The following RGS3 variants were observed in gnomAD, a reference collection of about 807,000 sequenced individuals.
RGS3 encodes regulator of G protein signaling 3.
RGS3 carries 80 observed loss-of-function variants against 132.6 expected under a neutral mutation model. The observed-to-expected ratio is 0.60, with a 90% CI of 0.50 to 0.73. The LOEUF (loss-of-function observed/expected upper bound fraction) is 0.73, where lower values mean the gene tolerates loss of function less well. Ranked by LOEUF, RGS3 falls within the 30% of genes least tolerant of loss-of-function variation. RGS3 has a pLI of 0.00. For missense variants in RGS3, 1,382 were observed against 1,530.8 expected, an observed-to-expected ratio of 0.90 and a Z score of 1.62; for synonymous variants, 598 against 620.6, an observed-to-expected ratio of 0.96 and a Z score of 0.54.
intron 4 of RGS3, among the ~76,000 whole-genome samples, chr9:113,482,421 GGTGA>G (rs889143230): frequency 6.6e-6 from 1 of 152,176 alleles, no homozygotes; most frequent in African/African-American, 2.4e-5. Context: ...TAGCTTATAT[GGTGA>G]GTAAGCGGTG....
Position 113,463,982 on chromosome 9 carries a change from CTCTT to C in RGS3, c.415+1785_415+1788del. ...TGACAGGGGAGGCTGGGAGCAGGTG[CTCTT>C]TCTATCTAGGGGCACCTTCTCTGGC... On this transcript the variant is annotated intron_variant, in intron 3 of 24. Transcript: ENST00000350696. This position sits in a 1 kb window ranked among gnomAD's most constrained non-coding sequence, Gnocchi z 4.6. 3 of 1,256,894 alleles carry C rather than the reference CTCTT, an allele frequency of 2.4e-6. No individual in the cohort carries two copies. Among genetic ancestry groups the C allele is most frequent in the South Asian group, 1.4e-5 (1 of 73,238 alleles). 77.9% of individuals were successfully genotyped at this position (1,256,894 alleles called of 1,614,324 possible).
chr9:113,580,551 C>T (rs1937376806), intron 19 of RGS3: 1 of 152,678 alleles, frequency 6.5e-6, no homozygotes, highest in African/African-American at 2.4e-5. Flanking sequence ...GAGGCTTGGC[C>T]AGAGTTGCAC....
intron 14 of RGS3, among the ~76,000 whole-genome samples, chr9:113,511,366 A>G (rs1831391634): frequency 6.6e-6 from 1 of 152,104 alleles, no homozygotes. Flanking sequence ...TTGCCTTCAC[A>G]GAGCTCAGTA....
Position 113,565,254 on chromosome 9 carries a change from C to T in RGS3, c.2038-18196C>T, listed in dbSNP as rs556817579. ...CAGGACCCTCTTCTTTGAGACATCC[C>T]GGACTCCATCTCGGATGAAAGTGCT... On this transcript the variant is annotated intron_variant, in intron 19 of 24. Coordinates refer to ENST00000350696, the Ensembl canonical transcript of RGS3. This position sits in a 1 kb window ranked among gnomAD's most constrained non-coding sequence, Gnocchi z 5.7. 3.5e-5 allele frequency: 45 copies of T among 1,288,318 alleles called. No homozygotes were observed. The highest frequency in any genetic ancestry group is 4.6e-5 in the Admixed American group (2 of 43,466). 79.8% of individuals were successfully genotyped at this position (1,288,318 alleles called of 1,614,324 possible).
intron 2 of RGS3, chr9:113,461,907 T>C: frequency 1.2e-6 from 2 of 1,600,550 alleles, no homozygotes; most frequent in Non-Finnish European, 1.7e-6. Flanking sequence ...CCTGTGGGCC[T>C]TCCTTTGCTG....
At position 113,507,213 on chromosome 9, in the gene RGS3, C is replaced by T. The variant is rs1404862711; in HGVS notation, c.1086-74C>T. 9.7e-6 allele frequency: 12 copies of T among 1,237,348 alleles called. No homozygotes were observed. The Admixed American group carries it at 1.1e-4, about 11-fold the overall frequency. The allele number at this position is 1,237,348 out of a possible 1,614,324, so 76.6% of individuals were successfully genotyped here. A position where few individuals can be genotyped will look rare whatever the true frequency, so the allele number is the denominator to read the frequency against. On this transcript the variant is annotated intron_variant, in intron 12 of 24. Coordinates refer to ENST00000350696, the Ensembl canonical transcript of RGS3. The surrounding 1 kb of genome is among the most constrained non-coding windows in gnomAD (Gnocchi z 5.0). ...CCTCTTCCCCCATTATCCTCTCTGC[C>T]CTGTGGGCCCTCACTCTGGCTGATA...
chr9:113,531,888 A>G (rs748271596), intron 18 of RGS3, among the ~76,000 whole-genome samples: 5 of 152,220 alleles, frequency 3.3e-5, no homozygotes, highest in Non-Finnish European at 7.3e-5. Context: ...ATCAAAGCAA[A>G]TGAACCAACT....
intron 21 of RGS3, 151 bp from the exon 20 acceptor site, chr9:113,594,279 G>T: frequency 6.2e-7 from 1 of 1,605,314 alleles, no homozygotes; most frequent in Non-Finnish European, 8.5e-7. Context: ...CTACAGAGAT[G>T]CTCCGAGGCA....
intron 3 of RGS3, among the ~76,000 whole-genome samples, chr9:113,462,785 C>T (rs2119161589): frequency 6.6e-6 from 1 of 152,338 alleles, no homozygotes; most frequent in East Asian, 1.9e-4. Flanking sequence ...ATCTCCCCAT[C>T]TTGTTTTTGA....
At chr9:113,564,832 TG>T in intron 19 of RGS3, 1 of 727,120 alleles carries the variant, frequency 1.4e-6, no homozygotes, top group Non-Finnish European at 1.7e-6. Context: ...AGTCGCATTC[TG>T]GAAGTCAGCG....
chr9:113,589,661 T>C (rs1396589051), intron 20 of RGS3, among the ~76,000 whole-genome samples: 7 of 152,180 alleles, frequency 4.6e-5, no homozygotes, highest in African/African-American at 1.4e-4. Context: ...GGGCATGGCC[T>C]TGCCAGGCCA....
chr9:113,493,868 C>G (rs12340996), intron 7 of RGS3, among the ~76,000 whole-genome samples: 18,005 of 151,996 alleles, frequency 0.12, 1,273 homozygotes, highest in African/African-American at 0.19. Flanking sequence ...TAGCTCAGGC[C>G]CCCTTAGACC....
At chr9:113,582,266 A>C in intron 19 of RGS3, 2 of 907,802 alleles carry the variant, frequency 2.2e-6, no homozygotes, top group Non-Finnish European at 2.6e-6. Flanking sequence ...CTTTGGGCTC[A>C]GTTTTCTCAT....
At chr9:113,536,828 C>A in exon 19 of RGS3, 1 of 1,614,188 alleles carries the variant, frequency 6.2e-7, no homozygotes, top group South Asian at 1.1e-5. Context: ...TGGAAGCGCA[C>A]TCGCAGGAGC....
intron 4 of RGS3, among the ~76,000 whole-genome samples, chr9:113,480,570 G>A (rs2119214794): frequency 6.6e-6 from 1 of 152,322 alleles, no homozygotes; most frequent in East Asian, 1.9e-4. Flanking sequence ...CTGTCTAGAT[G>A]GTGTTGATGG....
intron 19 of RGS3, chr9:113,541,433 C>T (rs1349701821): frequency 1.2e-6 from 2 of 1,613,078 alleles, no homozygotes. Context: ...GCTGAGCAAA[C>T]CCAAGGGCGG....
chr9:113,460,534 A>T (rs879640644), intron 1 of RGS3, among the ~76,000 whole-genome samples: 1 of 151,242 alleles, frequency 6.6e-6, no homozygotes, highest in African/African-American at 2.4e-5. Context: ...AAAAAAAAAA[A>T]TTTTTTTTTC....
At chr9:113,488,590 C>T (rs755108603) in intron 7 of RGS3, among the ~76,000 whole-genome samples, 1 of 152,138 alleles carries the variant, frequency 6.6e-6, no homozygotes, top group African/African-American at 2.4e-5. Flanking sequence ...GAGAAGGAGC[C>T]GGTCATGCCC....
At chr9:113,581,988 G>T in intron 19 of RGS3, 1 of 981,474 alleles carries the variant, frequency 1.0e-6, no homozygotes. Flanking sequence ...CTGCTCTGCA[G>T]GGCTCCACTT....
Sources: allele counts gnomAD v4.1 joint callset (sites outside exome capture counted in the v4.1 genomes callset), GRCh38; gene constraint gnomAD v4.1.1; non-coding constraint Gnocchi (gnomAD v3.1); transcripts MANE v1.5; gene names NCBI Gene and HGNC (gene_info 2026-07-23, HGNC 2026-07-21).